Variants in DAB1 observed in about 807,000 individuals in gnomAD.
The protein encoded by DAB1 is disabled homolog 1.
Under a neutral mutation model 64.6 loss-of-function variants are expected in DAB1, and 15 were observed. The ratio of observed to expected loss-of-function variants is 0.23; its 90% CI spans 0.16 to 0.36. The LOEUF is 0.36. Ranked by LOEUF, DAB1 falls within the 10% of genes least tolerant of loss-of-function variation. The pLI is 1.00. For missense variants in DAB1, 596 were observed against 706.7 expected, an observed-to-expected ratio of 0.84 and a Z score of 1.78; for synonymous variants, 235 against 251.9, an observed-to-expected ratio of 0.93 and a Z score of 0.64.
intron 1 of DAB1, among the ~76,000 whole-genome samples, chr1:57,333,633 T>C (rs188510442): frequency 6.6e-6 from 1 of 152,348 alleles, no homozygotes; most frequent in African/African-American, 2.4e-5. Flanking sequence ...GTTCTGCTCC[T>C]CTCAAAGCCA....
chr1:57,544,754 C>T (rs1644838048), intron 7 of DAB1, among the ~76,000 whole-genome samples: 1 of 152,182 alleles, frequency 6.6e-6, no homozygotes, highest in South Asian at 2.1e-4. Context: ...AGTGAGTTCT[C>T]ACAAGACCTG....
chr1:57,439,420 T>TTTTTTTTTTTGTTTTTTTTTG (rs1363390519), intron 7 of DAB1, among the ~76,000 whole-genome samples: 17 of 118,722 alleles, frequency 1.4e-4, no homozygotes, highest in South Asian at 8.8e-4. Context: ...GTGATGAGGT[T>TTTTTTTTTTTGTTTTTTTTTG]TTTTCTTTTT....
intron 7 of DAB1, among the ~76,000 whole-genome samples, chr1:57,528,871 A>G (rs183944723): frequency 5.3e-5 from 8 of 152,250 alleles, no homozygotes; most frequent in Non-Finnish European, 1.0e-4. Context: ...GGTAAATTAA[A>G]ATGGAGACAA....
chr1:57,724,296 A>G (rs80285354), intron 6 of DAB1, among the ~76,000 whole-genome samples: 32 of 79,856 alleles, frequency 4.0e-4, no homozygotes, highest in South Asian at 1.1e-3. Context: ...CGAAGGAAGG[A>G]AGGAAGGGAG....
chr1:58,168,901 T>C (rs1427000796), intron 4 of DAB1, among the ~76,000 whole-genome samples: 1 of 152,136 alleles, frequency 6.6e-6, no homozygotes, highest in African/African-American at 2.4e-5. Context: ...AATGCATCAA[T>C]AAGGGCCACT....
At chr1:58,232,321 T>G (rs1160033573) in intron 4 of DAB1, among the ~76,000 whole-genome samples, 1 of 152,178 alleles carries the variant, frequency 6.6e-6, no homozygotes, top group Non-Finnish European at 1.5e-5. Context: ...AGAAGTGGTC[T>G]TCCTTCAGCA....
chr1:57,934,107 A>G (rs1316537615), intron 5 of DAB1, among the ~76,000 whole-genome samples: 1 of 48,628 alleles, frequency 2.1e-5, no homozygotes, highest in African/African-American at 7.6e-5. Context: ...GTGTGTGTTT[A>G]GTAGAGACGA....
chr1:58,179,984 G>A (rs1452058557), intron 4 of DAB1, among the ~76,000 whole-genome samples: 1 of 151,882 alleles, frequency 6.6e-6, no homozygotes, highest in Non-Finnish European at 1.5e-5. Context: ...AAAAATTACA[G>A]TGTAACAAGT....
intron 5 of DAB1, among the ~76,000 whole-genome samples, chr1:58,071,133 A>G (rs1570312007): frequency 6.6e-6 from 1 of 152,202 alleles, no homozygotes; most frequent in Non-Finnish European, 1.5e-5. Context: ...AGGCTTAGCA[A>G]GAATGGCCAG....
intron 2 of DAB1, among the ~76,000 whole-genome samples, chr1:57,276,597 G>A (rs1327405869): frequency 2.6e-5 from 4 of 152,196 alleles, no homozygotes; most frequent in Non-Finnish European, 4.4e-5. Context: ...GCAAGATTTA[G>A]GATCTGCTAG....
At chr1:57,047,282 G>A (rs1218648207) in intron 9 of DAB1, among the ~76,000 whole-genome samples, 1 of 152,148 alleles carries the variant, frequency 6.6e-6, no homozygotes, top group African/African-American at 2.4e-5. Context: ...TCAGTATTTG[G>A]TAGTTACAAT....
intron 1 of DAB1, among the ~76,000 whole-genome samples, chr1:57,399,148 C>T (rs1013638307): frequency 1.3e-5 from 2 of 152,170 alleles, no homozygotes; most frequent in South Asian, 2.1e-4. Flanking sequence ...TAACATGATG[C>T]CAGCCACACA....
At chr1:58,214,647 AT>A (rs546435496) in intron 4 of DAB1, among the ~76,000 whole-genome samples, 142 of 152,354 alleles carry the variant, frequency 9.3e-4, no homozygotes, top group African/African-American at 3.3e-3. Context: ...GAATAAACAC[AT>A]GGATTAGTTT....
intron 2 of DAB1, among the ~76,000 whole-genome samples, chr1:57,280,999 A>T (rs1671840047): frequency 6.6e-6 from 1 of 152,218 alleles, no homozygotes; most frequent in African/African-American, 2.4e-5. Context: ...TGATAATTTT[A>T]GTAAGTACAG....
At chr1:57,595,986 C>T (rs1334609915) in intron 7 of DAB1, among the ~76,000 whole-genome samples, 6 of 152,180 alleles carry the variant, frequency 3.9e-5, no homozygotes, top group Non-Finnish European at 8.8e-5. Flanking sequence ...ATTACTCAGT[C>T]TCAGACATTT....
intron 6 of DAB1, among the ~76,000 whole-genome samples, chr1:57,801,697 G>T (rs982068746): frequency 1.3e-5 from 2 of 151,380 alleles, no homozygotes; most frequent in Non-Finnish European, 1.5e-5. Flanking sequence ...TTACTGTGTT[G>T]CCCAGGCTGG....
intron 1 of DAB1, among the ~76,000 whole-genome samples, chr1:57,326,510 A>G (rs993325627): frequency 6.6e-6 from 1 of 152,026 alleles, no homozygotes; most frequent in Non-Finnish European, 1.5e-5. Flanking sequence ...CAGCCCTATG[A>G]CTCTCCAAGA....
chr1:58,100,262 T>C (rs1651236156), intron 5 of DAB1, among the ~76,000 whole-genome samples: 1 of 152,170 alleles, frequency 6.6e-6, no homozygotes. Flanking sequence ...GCCTCACCAA[T>C]CCTTGGAAAC....
intron 2 of DAB1, among the ~76,000 whole-genome samples, chr1:58,508,751 C>T (rs1003352939): frequency 1.8e-4 from 28 of 152,050 alleles, no homozygotes; most frequent in Admixed American, 3.9e-4. Flanking sequence ...GAAGTTTGAA[C>T]AAGCACACAA....
Sources: allele counts gnomAD v4.1 joint callset (sites outside exome capture counted in the v4.1 genomes callset), GRCh38; gene constraint gnomAD v4.1.1; transcripts MANE v1.5; gene names NCBI Gene and HGNC (gene_info 2026-07-23, HGNC 2026-07-21).